ANKRD26: variants seen among roughly 807,000 people sequenced by gnomAD.
ANKRD26 encodes ankyrin repeat domain-containing protein 26.
ANKRD26 carries 141 observed loss-of-function variants against 208.7 expected under a neutral mutation model. The observed-to-expected ratio is 0.68, with a 90% CI of 0.59 to 0.78. The LOEUF (loss-of-function observed/expected upper bound fraction) is 0.78. Among genes scored for constraint, ANKRD26 ranks in the 30% least tolerant of loss-of-function variants. The pLI, the probability that ANKRD26 is intolerant of heterozygous loss-of-function variation, is 0.00. For missense variants in ANKRD26, 1,889 were observed against 1,938.7 expected (o/e 0.97, Z 0.48); for synonymous variants, 636 against 660.4 (o/e 0.96, Z 0.57).
At chr10:27,097,736 G>A (rs979437967) in intron 1 of ANKRD26, among the ~76,000 whole-genome samples, 1 of 151,808 alleles carries the variant, frequency 6.6e-6, no homozygotes, top group African/African-American at 2.4e-5. Context: ...TGTACCCTCC[G>A]CCTCCCAGGT....
downstream of ANKRD26, among the ~76,000 whole-genome samples, chr10:26,971,810 T>C (rs1258384570): frequency 1.3e-5 from 2 of 152,230 alleles, no homozygotes; most frequent in Non-Finnish European, 2.9e-5. Context: ...TGCCCAGCTT[T>C]TACCTGGCTT....
chr10:26,986,031 C>T (rs985765232), intron 3 of ANKRD26, among the ~76,000 whole-genome samples: 1 of 152,258 alleles, frequency 6.6e-6, no homozygotes, highest in South Asian at 2.1e-4. Flanking sequence ...TCAAACTATA[C>T]TACAAGGCTA....
intron 25 of ANKRD26, among the ~76,000 whole-genome samples, chr10:27,031,904 G>C (rs1414230714): frequency 6.6e-6 from 1 of 152,110 alleles, no homozygotes. Flanking sequence ...TTGGAGAAAA[G>C]TTAATGGCCT....
chr10:27,029,096 G>T, intron 26 of ANKRD26, 151 bp from the exon 27 acceptor site: 2 of 997,722 alleles, frequency 2.0e-6, no homozygotes, highest in Non-Finnish European at 2.9e-6. Flanking sequence ...TTCTAGTTGT[G>T]GTTTGTGGAT....
At chr10:26,951,323 T>C in the ANKRD26 span, among the ~76,000 whole-genome samples, 4 of 152,138 alleles carry the variant, frequency 2.6e-5, no homozygotes, top group African/African-American at 9.7e-5. Context: ...TTTGGAACCA[T>C]GTTGGGGTAC....
At chr10:27,023,555 CAG>C (rs1238162873) in intron 28 of ANKRD26, among the ~76,000 whole-genome samples, 5 of 151,644 alleles carry the variant, frequency 3.3e-5, no homozygotes, top group Admixed American at 6.6e-5. Context: ...AGGAAACAGG[CAG>C]AGTTTTAGAA....
chr10:27,090,489 T>C (rs184031263), intron 4 of ANKRD26, among the ~76,000 whole-genome samples: 172 of 152,314 alleles, frequency 1.1e-3, no homozygotes, highest in Admixed American at 2.0e-3. Flanking sequence ...TTTACCAATT[T>C]AGTATCTTGC....
chr10:27,042,934 C>T (rs1589268367), intron 20 of ANKRD26, among the ~76,000 whole-genome samples: 1 of 126,414 alleles, frequency 7.9e-6, no homozygotes, highest in Admixed American at 9.0e-5. Context: ...GCCTGATTGA[C>T]AGAGTGAAAT....
chr10:26,978,465 T>TAATAA (rs761269977), intron 5 of ANKRD26, among the ~76,000 whole-genome samples: 16 of 151,854 alleles, frequency 1.1e-4, no homozygotes, highest in Admixed American at 8.5e-4. Context: ...CAAAAAATAA[T>TAATAA]AATAAAATAA....
At chr10:27,070,427 T>C (rs559444256) in intron 9 of ANKRD26, among the ~76,000 whole-genome samples, 1 of 152,020 alleles carries the variant, frequency 6.6e-6, no homozygotes, top group South Asian at 2.1e-4. Flanking sequence ...AAAGCTATGA[T>C]TATCCAAGTT....
intron 27 of ANKRD26, among the ~76,000 whole-genome samples, chr10:27,028,122 G>A (rs952294300): frequency 6.6e-6 from 1 of 152,140 alleles, no homozygotes; most frequent in Non-Finnish European, 1.5e-5. Context: ...TTATGAGGAT[G>A]TAATCCCATC....
chr10:27,024,155 A>G (rs1422298186), intron 28 of ANKRD26, among the ~76,000 whole-genome samples: 1 of 152,202 alleles, frequency 6.6e-6, no homozygotes, highest in Non-Finnish European at 1.5e-5. Context: ...TACCAAAGAA[A>G]GTGAAAATAT....
the ANKRD26 span, among the ~76,000 whole-genome samples, chr10:26,955,285 GGTC>G: frequency 6.6e-6 from 1 of 151,784 alleles, no homozygotes; most frequent in South Asian, 2.1e-4. Context: ...AAAATTAGCC[GGTC>G]GTGGTGGCAC....
chr10:27,046,658 A>C, intron 17 of ANKRD26, 135 bp from the exon 18 acceptor site: 1 of 859,486 alleles, frequency 1.2e-6, no homozygotes, highest in Non-Finnish European at 1.7e-6. Context: ...ATTCTAACAA[A>C]GAATAAAAAT....
intron 9 of ANKRD26, among the ~76,000 whole-genome samples, chr10:27,074,812 T>C (rs1456816619): frequency 2.0e-5 from 3 of 151,528 alleles, no homozygotes; most frequent in Middle Eastern, 3.2e-3. Flanking sequence ...ATAAAATAAA[T>C]AAATAAGATT....
At chr10:27,080,013 T>C in intron 6 of ANKRD26, 1 of 373,630 alleles carries the variant, frequency 2.7e-6, no homozygotes, top group Non-Finnish European at 5.3e-6. Flanking sequence ...AAGAATTAGC[T>C]GGGTGTGGTG....
intron 5 of ANKRD26, among the ~76,000 whole-genome samples, chr10:26,992,440 G>A (rs1294990116): frequency 6.0e-5 from 8 of 132,778 alleles, no homozygotes; most frequent in South Asian, 2.6e-4. Context: ...AATATGATAC[G>A]TAAAAAAGAA....
chr10:27,004,954 G>T lies in ANKRD26; in HGVS notation c.*636C>A. 1.3e-6 allele frequency: 1 copy of T among 773,058 alleles called. No homozygotes were observed. The highest frequency in any genetic ancestry group is 1.9e-5 in the African/African-American group (1 of 52,940). 47.9% of individuals were successfully genotyped at this position (773,058 alleles called of 1,614,324 possible). On this transcript the variant is annotated 3_prime_UTR_variant, in exon 34 of 34. Transcript: ENST00000376087. ...GTAGGAATGCCCACTAAAGTAATCA[G>T]GGGTGATGACATAATGTCAGCAATT...
chr10:27,100,026 C>T (rs1189381898), intron 1 of ANKRD26, 59 bp downstream of exon 1: 1 of 1,608,092 alleles, frequency 6.2e-7, no homozygotes, highest in Admixed American at 1.7e-5. Flanking sequence ...ACAAAAGGGG[C>T]CCCTCTTCCT....
Sources: allele counts gnomAD v4.1 joint callset (sites outside exome capture counted in the v4.1 genomes callset), GRCh38; gene constraint gnomAD v4.1.1; transcripts MANE v1.5; gene names NCBI Gene and HGNC (gene_info 2026-07-23, HGNC 2026-07-21).